EQTN: variants seen among roughly 807,000 people sequenced by gnomAD.
EQTN encodes the protein equatorin.
In EQTN, 29 loss-of-function variants were observed where a neutral mutation model predicts 26.9. The ratio of observed to expected loss-of-function variants is 1.08; its 90% CI spans 0.80 to 1.47. The LOEUF is 1.47. Ranked by LOEUF, EQTN falls within the 40% of genes most tolerant of loss-of-function variation. EQTN has a pLI of 0.00. For missense variants in EQTN, 391 were observed against 346.1 expected (o/e 1.13, Z -1.03); for synonymous variants, 129 against 120.0 (o/e 1.07, Z -0.49).
At chr9:27,288,854 G>A (rs549060435) in intron 6 of EQTN, among the ~76,000 whole-genome samples, 22 of 152,284 alleles carry the variant, frequency 1.4e-4, no homozygotes, top group African/African-American at 3.4e-4. Flanking sequence ...GGTTCAGGAG[G>A]AGAGAGGAAC....
chr9:27,293,460 G>T (rs1026349046), intron 3 of EQTN, among the ~76,000 whole-genome samples: 1 of 152,106 alleles, frequency 6.6e-6, no homozygotes, highest in African/African-American at 2.4e-5. Flanking sequence ...CCTCTAGAAC[G>T]TCCCTACCAT....
intron 6 of EQTN, among the ~76,000 whole-genome samples, chr9:27,288,821 T>C (rs776800004): frequency 8.5e-5 from 13 of 152,106 alleles, no homozygotes; most frequent in South Asian, 2.1e-4. Context: ...ATAGCGATAG[T>C]AAAAAGATCA....
intron 7 of EQTN, among the ~76,000 whole-genome samples, 189 bp from the exon 8 acceptor site, chr9:27,285,161 T>A (rs1295488643): frequency 1.9e-4 from 20 of 102,748 alleles, no homozygotes; most frequent in African/African-American, 7.3e-4. Context: ...TTTTTTTTTT[T>A]TGAGACAGAA....
intron 6 of EQTN, among the ~76,000 whole-genome samples, chr9:27,287,089 G>A (rs1820139300): frequency 6.6e-6 from 1 of 151,984 alleles, no homozygotes; most frequent in Non-Finnish European, 1.5e-5. Flanking sequence ...ATATATATCT[G>A]ACTTAATAAA....
intron 7 of EQTN, 29 bp downstream of exon 7, chr9:27,286,180 G>T (rs202025129): frequency 6.2e-7 from 1 of 1,607,090 alleles, no homozygotes; most frequent in Admixed American, 1.7e-5. Flanking sequence ...TGCATTTGTT[G>T]TAAAGACTGC....
intron 3 of EQTN, 63 bp downstream of exon 3, chr9:27,294,253 T>C (rs1321946264): frequency 1.8e-5 from 21 of 1,142,724 alleles, no homozygotes; most frequent in Middle Eastern, 2.0e-4. Context: ...CAGTCTCTTA[T>C]TGCTGTTTTG....
At chr9:27,295,831 C>CA (rs67401588) in intron 2 of EQTN, among the ~76,000 whole-genome samples, 32,666 of 69,650 alleles carry the variant, frequency 0.47, 8,961 homozygotes, top group Middle Eastern at 0.68. Context: ...GACTCCGTCT[C>CA]AAAAAAAAAA....
intron 2 of EQTN, among the ~76,000 whole-genome samples, chr9:27,295,686 G>T (rs1324809822): frequency 1.3e-5 from 2 of 151,950 alleles, no homozygotes; most frequent in Admixed American, 6.5e-5. Context: ...CAAAAAATTA[G>T]CCGGGCGTGG....
intron 5 of EQTN, among the ~76,000 whole-genome samples, chr9:27,290,589 C>G (rs192723186): frequency 6.6e-6 from 1 of 152,298 alleles, no homozygotes; most frequent in African/African-American, 2.4e-5. Context: ...TATACACACA[C>G]GCATAGAAAT....
Position 27,296,683 on chromosome 9 carries a change from A to G in EQTN, c.132T>C (p.Asn44=). The G allele has an allele frequency of 6.2e-7, 1 of 1,606,584 alleles. No individual in the cohort carries two copies. Among genetic ancestry groups the G allele is most frequent in the East Asian group, 2.2e-5 (1 of 44,718 alleles). ...NEDVNKQEEK[N]EDHTPNYAPA... ...GAGCATAATTGGGAGTATGATCTTC[A>G]TTCTTTTCTTCCTGCTTATTAACAT... is the stretch of plus-strand genomic sequence containing the variant. Residue 44 remains asparagine, a synonymous_variant, in exon 2 of 8, where the codon AAT becomes AAC. Coordinates refer to ENST00000380032, the MANE Select transcript of EQTN (RefSeq NM_020641.3).
intron 6 of EQTN, 26 bp downstream of exon 6, chr9:27,289,646 A>G: frequency 6.3e-7 from 1 of 1,581,522 alleles, no homozygotes; most frequent in Non-Finnish European, 8.6e-7. Context: ...CACTGCACCC[A>G]GTCAATTGAA....
chr9:27,294,553 A>C, intron 2 of EQTN, 151 bp from the exon 3 acceptor site: 1 of 428,054 alleles, frequency 2.3e-6, no homozygotes, highest in Non-Finnish European at 4.1e-6. Context: ...ACAAAATAAG[A>C]AAGTGGGGCA....
Position 27,296,992 on chromosome 9 carries a change from G to A in EQTN, c.64C>T (p.Pro22Ser), listed in dbSNP as rs773834212. 6.2e-7 allele frequency: 1 copy of A among 1,611,438 alleles called. No individual in the cohort carries two copies. Among genetic ancestry groups the A allele is most frequent in the South Asian group, 1.1e-5 (1 of 90,812 alleles). The change falls in exon 1 of 8, where the codon CCT becomes TCT. Residue 22 changes from proline (P) to serine (S), a missense_variant. Pro to Ser is a moderately conservative substitution (Grantham distance 74). Transcript: ENST00000380032. ...VFSLKSSTLK[P>S]TIEALPNVLP... ...AATGCTCTCTCACCTTCAATAGTAG[G>A]CTTCAAAGTGCTACTTTTTAAGGAA...
rs903529754 is a variant in EQTN at position 27,292,748 on chromosome 9, G to A, written c.290-261C>T. Among the ~76,000 whole-genome samples, 29 of 152,128 alleles carry A rather than the reference G, an allele frequency of 1.9e-4. 1 individual carries two copies. Among genetic ancestry groups the A allele is most frequent in the Non-Finnish European group, 4.4e-5 (3 of 68,034 alleles). ...GTGAAAGAGAGGCAAAGGAACATGCGGCCCCGGGCTTTCTTCAGAGGTAAA... is the reference window on the plus strand; with the variant it reads ...GTGAAAGAGAGGCAAAGGAACATGCAGCCCCGGGCTTTCTTCAGAGGTAAA... On this transcript the variant is annotated intron_variant, in intron 3 of 7. Transcript: ENST00000380032.
chr9:27,286,300 T>C lies in EQTN; in HGVS notation c.544A>G (p.Ile182Val), dbSNP rs370188884. The C allele has an allele frequency of 1.1e-5, 17 of 1,610,968 alleles. No individual in the cohort carries two copies. Among genetic ancestry groups the C allele is most frequent in the Non-Finnish European group, 1.4e-5 (17 of 1,178,604 alleles). Residue 182 changes from isoleucine to valine, a missense_variant, in exon 7 of 8, where the codon ATA becomes GTA. Coordinates refer to ENST00000380032, the MANE Select transcript of EQTN (RefSeq NM_020641.3). ...GTCATCAACGAGATTCCCAGCATTA[T>C]TTTGATCTTCAGATCCTCTAGATCT... ...QPDLEDLKIK[I>V]MLGISLMTLL...
At chr9:27,290,556 A>G (rs886389361) in intron 5 of EQTN, among the ~76,000 whole-genome samples, 2 of 152,280 alleles carry the variant, frequency 1.3e-5, no homozygotes, top group Non-Finnish European at 2.9e-5. Flanking sequence ...ATACATGTGT[A>G]CATCCATATA....
At chr9:27,286,065 T>C in intron 7 of EQTN, 144 bp downstream of exon 7, 1 of 821,898 alleles carries the variant, frequency 1.2e-6, no homozygotes, top group African/African-American at 1.7e-5. Flanking sequence ...CCGTGCTCCA[T>C]CCGAATAGGG....
intron 7 of EQTN, 69 bp downstream of exon 7, chr9:27,286,140 T>C (rs543831769): frequency 1.4e-6 from 2 of 1,470,422 alleles, no homozygotes; most frequent in East Asian, 2.3e-5. Context: ...AAGAATCTAC[T>C]AAAGAGAGGA....
intron 6 of EQTN, among the ~76,000 whole-genome samples, chr9:27,288,790 C>T (rs187083787): frequency 3.3e-5 from 5 of 152,238 alleles, no homozygotes; most frequent in Admixed American, 2.0e-4. Flanking sequence ...AACTATATGA[C>T]ATTCTAGAAA....
Sources: gnomAD v4.1 joint callset for allele counts (sites outside exome capture counted in the v4.1 genomes callset) on GRCh38, gnomAD v4.1.1 for gene constraint, MANE v1.5 for transcripts, NCBI Gene and HGNC (gene_info 2026-07-23, HGNC 2026-07-21) for gene names.